THSD7B: variants seen among roughly 807,000 people sequenced by gnomAD.
The protein encoded by THSD7B is thrombospondin type 1 domain containing 7B, also known as thrombospondin type-1 domain-containing protein 7B.
In THSD7B, 138 loss-of-function variants were observed where a neutral mutation model predicts 213.6. The observed-to-expected ratio is 0.65, with a 90% CI of 0.56 to 0.74. The LOEUF is 0.74. Among genes scored for constraint, THSD7B ranks in the 30% least tolerant of loss-of-function variants. The probability of loss-of-function intolerance (pLI) is 0.00; values close to 1 mark genes in which losing one functional copy is unlikely to be tolerated. For missense variants in THSD7B, 1,931 were observed against 1,991.5 expected, an observed-to-expected ratio of 0.97 and a Z score of 0.58; for synonymous variants, 742 against 687.0, an observed-to-expected ratio of 1.08 and a Z score of -1.25.
At chr2:137,390,787 T>A (rs1230753864) in intron 12 of THSD7B, among the ~76,000 whole-genome samples, 1 of 152,206 alleles carries the variant, frequency 6.6e-6, no homozygotes, top group African/African-American at 2.4e-5. Flanking sequence ...ATTGAGATGA[T>A]CAAGTAGCTG....
chr2:137,358,378 G>A (rs1685180929), intron 12 of THSD7B, among the ~76,000 whole-genome samples: 1 of 152,084 alleles, frequency 6.6e-6, no homozygotes, highest in African/African-American at 2.4e-5. Flanking sequence ...AGCATTTTTG[G>A]TCATGATTAT....
chr2:137,116,820 AG>A (rs1280480597), intron 5 of THSD7B, among the ~76,000 whole-genome samples: 1 of 152,170 alleles, frequency 6.6e-6, no homozygotes, highest in Non-Finnish European at 1.5e-5. Context: ...GGAATAGAGA[AG>A]GGGTGTTAAT....
intron 17 of THSD7B, among the ~76,000 whole-genome samples, chr2:137,579,474 A>G (rs918946389): frequency 1.3e-5 from 2 of 152,164 alleles, no homozygotes; most frequent in Non-Finnish European, 2.9e-5. Context: ...CTTCATAATC[A>G]TGTGAGCCAA....
At chr2:137,131,417 C>G (rs1688729885) in intron 5 of THSD7B, among the ~76,000 whole-genome samples, 1 of 152,076 alleles carries the variant, frequency 6.6e-6, no homozygotes, top group Non-Finnish European at 1.5e-5. Flanking sequence ...GCTTTTGTTG[C>G]CATTGCTTTT....
At chr2:137,337,817 T>C (rs1199960683) in intron 12 of THSD7B, among the ~76,000 whole-genome samples, 1 of 152,094 alleles carries the variant, frequency 6.6e-6, no homozygotes, top group Admixed American at 6.6e-5. Context: ...CATGGTCAGT[T>C]ATTTTACTAT....
At chr2:137,174,784 A>C (rs1284515355) in intron 7 of THSD7B, among the ~76,000 whole-genome samples, 1 of 152,150 alleles carries the variant, frequency 6.6e-6, no homozygotes, top group East Asian at 1.9e-4. Flanking sequence ...CCTCTGCACA[A>C]TATCTTATCA....
chr2:136,882,120 C>A, intron 1 of THSD7B, 24 bp from the exon 2 acceptor site: 1 of 1,412,382 alleles, frequency 7.1e-7, no homozygotes, highest in South Asian at 1.6e-5. Flanking sequence ...AGAAACTTAC[C>A]TGATTTTTCT....
intron 2 of THSD7B, among the ~76,000 whole-genome samples, chr2:136,897,130 A>G (rs75758924): frequency 2.0e-5 from 3 of 152,022 alleles, no homozygotes; most frequent in African/African-American, 7.2e-5. Flanking sequence ...TAATTAAAAA[A>G]AAATTTGTAG....
At chr2:137,464,382 T>G (rs879194457) in intron 15 of THSD7B, among the ~76,000 whole-genome samples, 2 of 151,724 alleles carry the variant, frequency 1.3e-5, no homozygotes, top group Admixed American at 1.3e-4. Context: ...GGAAAGTGAG[T>G]AGGAAGTGTT....
At chr2:137,321,631 G>A (rs1443968829) in intron 12 of THSD7B, among the ~76,000 whole-genome samples, 2 of 152,178 alleles carry the variant, frequency 1.3e-5, no homozygotes, top group Admixed American at 1.3e-4. Context: ...AGGCAATGTG[G>A]TAATCTCAAT....
intron 2 of THSD7B, among the ~76,000 whole-genome samples, chr2:137,037,978 A>G (rs1686808955): frequency 1.9e-5 from 1 of 51,860 alleles, no homozygotes; most frequent in Non-Finnish European, 5.3e-5. Flanking sequence ...ATGTTTAGCA[A>G]AAATAAAAAA....
intron 15 of THSD7B, among the ~76,000 whole-genome samples, chr2:137,559,300 C>T (rs999211635): frequency 6.6e-6 from 1 of 152,168 alleles, no homozygotes; most frequent in Admixed American, 6.6e-5. Context: ...ATCACGCTAC[C>T]TGACTTCAAA....
chr2:137,320,221 A>G (rs1034587780), intron 12 of THSD7B, among the ~76,000 whole-genome samples: 1 of 152,236 alleles, frequency 6.6e-6, no homozygotes, highest in African/African-American at 2.4e-5. Flanking sequence ...ATGATCTCTT[A>G]CATGTGCAAA....
intron 3 of THSD7B, among the ~76,000 whole-genome samples, chr2:137,079,374 G>T (rs1687696430): frequency 6.6e-6 from 1 of 151,974 alleles, no homozygotes; most frequent in African/African-American, 2.4e-5. Flanking sequence ...AGCATCTTCT[G>T]TATTTTTCTA....
At chr2:137,161,301 T>TA (rs1558942531) in intron 6 of THSD7B, among the ~76,000 whole-genome samples, 4 of 151,934 alleles carry the variant, frequency 2.6e-5, no homozygotes, top group Admixed American at 6.6e-5. Context: ...ATGACAGTAC[T>TA]AAAAAAAATA....
chr2:137,186,754 A>G (rs1680559935), intron 7 of THSD7B, among the ~76,000 whole-genome samples: 1 of 152,120 alleles, frequency 6.6e-6, no homozygotes, highest in Non-Finnish European at 1.5e-5. Context: ...AAAAAATAAC[A>G]TTTGTAGTTT....
intron 15 of THSD7B, among the ~76,000 whole-genome samples, chr2:137,552,871 G>A (rs1461850748): frequency 1.3e-5 from 2 of 152,180 alleles, no homozygotes; most frequent in Non-Finnish European, 1.5e-5. Flanking sequence ...GAGAACCCAT[G>A]TGGGGGGAAA....
At chr2:137,514,862 C>T (rs907896690) in intron 15 of THSD7B, among the ~76,000 whole-genome samples, 2 of 152,046 alleles carry the variant, frequency 1.3e-5, no homozygotes, top group African/African-American at 2.4e-5. Flanking sequence ...ATGTGGAGAA[C>T]CAAGGAACAT....
chr2:137,263,337 T>G (rs1243622818), intron 10 of THSD7B, among the ~76,000 whole-genome samples: 1 of 151,978 alleles, frequency 6.6e-6, no homozygotes, highest in Non-Finnish European at 1.5e-5. Flanking sequence ...AATTAAGCAT[T>G]CCTAACAGCT....
Sources: allele counts gnomAD v4.1 joint callset (sites outside exome capture counted in the v4.1 genomes callset), GRCh38; gene constraint gnomAD v4.1.1; transcripts MANE v1.5; gene names NCBI Gene and HGNC (gene_info 2026-07-23, HGNC 2026-07-21).